The following COL22A1 variants were observed in gnomAD, a reference collection of about 807,000 sequenced individuals.
COL22A1 encodes the protein collagen type XXII alpha 1 chain, also known as collagen alpha-1(XXII) chain.
COL22A1 carries 221 observed loss-of-function variants against 248.9 expected under a neutral mutation model. That is an observed-to-expected ratio of 0.89 (90% CI 0.80 to 0.99). COL22A1 has a LOEUF of 0.99. Among genes scored for constraint, COL22A1 ranks in the 50% least tolerant of loss-of-function variants. The probability of loss-of-function intolerance (pLI) is 0.00; values close to 1 mark genes in which losing one functional copy is unlikely to be tolerated. For synonymous variants in COL22A1, 891 were observed against 793.4 expected (o/e 1.12, Z -2.07); for missense variants, 2,240 against 2,179.0 (o/e 1.03, Z -0.56).
chr8:138,688,065 G>A (rs1309138260), intron 37 of COL22A1, among the ~76,000 whole-genome samples: 1 of 152,162 alleles, frequency 6.6e-6, no homozygotes, highest in African/African-American at 2.4e-5. Flanking sequence ...CTGATTTCCT[G>A]AGCCCTGGCT....
At chr8:138,770,826 G>A (rs1222822912) in intron 16 of COL22A1, among the ~76,000 whole-genome samples, 1 of 152,156 alleles carries the variant, frequency 6.6e-6, no homozygotes, top group Non-Finnish European at 1.5e-5. Flanking sequence ...CGGAGGCAGT[G>A]CAAAGCTGAC....
At position 138,833,073 on chromosome 8, in the gene COL22A1, G is replaced by A. The variant is rs141938188; in HGVS notation, c.811C>T (p.Arg271Trp). The A allele has an allele frequency of 7.4e-5, 120 of 1,613,288 alleles. 1 individual carries two copies. Among genetic ancestry groups the A allele is most frequent in the African/African-American group, 3.9e-4 (29 of 75,026 alleles). The change falls in exon 5 of 65, where the codon CGG (arginine) becomes TGG (tryptophan). Residue 271 changes from arginine (R) to tryptophan (W), a missense_variant. Coordinates refer to ENST00000303045, the MANE Select transcript of COL22A1 (RefSeq NM_152888.3). ...TGCACCACAGGGAAGGATCCCATCC[G>A]TACATAGGAACTCTGAGCTCCATTC... ...RENGAQSSYV[R>W]MGSFPVVQST... is the part of the protein sequence containing the mutation.
intron 40 of COL22A1, among the ~76,000 whole-genome samples, chr8:138,677,509 G>GTTATT (rs1257950537): frequency 5.6e-4 from 53 of 95,272 alleles, no homozygotes; most frequent in African/African-American, 1.1e-3. Flanking sequence ...CCAAGGCCGA[G>GTTATT]CCACGCCTTA....
At chr8:138,895,254 T>C (rs1339896661) in intron 1 of COL22A1, among the ~76,000 whole-genome samples, 1 of 152,058 alleles carries the variant, frequency 6.6e-6, no homozygotes, top group African/African-American at 2.4e-5. Flanking sequence ...GTGTCGAGGA[T>C]ACAACTGAAA....
At chr8:138,679,373 A>G (rs13264997) in intron 40 of COL22A1, among the ~76,000 whole-genome samples, 104,625 of 152,088 alleles carry the variant, frequency 0.69, 38,165 homozygotes, top group East Asian at 0.81. Context: ...TCAGCAAACC[A>G]TGACCATTGC....
chr8:138,732,488 G>A (rs1830786507), intron 23 of COL22A1, among the ~76,000 whole-genome samples: 2 of 152,210 alleles, frequency 1.3e-5, no homozygotes, highest in Non-Finnish European at 2.9e-5. Flanking sequence ...GCCATAAAAC[G>A]GTTGGAGGCC....
chr8:138,784,698 G>A lies in COL22A1; in HGVS notation c.1597-3718C>T, dbSNP rs575529174. On this transcript the variant is annotated intron_variant, in intron 12 of 64. Coordinates refer to ENST00000303045, the MANE Select transcript of COL22A1 (RefSeq NM_152888.3). Reference sequence around the variant, plus strand: ...GATAGTTTATCTATTATTACAAGGCGCCAGGCACTGAGCACTTTACATCCA... The same window carrying A: ...GATAGTTTATCTATTATTACAAGGCACCAGGCACTGAGCACTTTACATCCA... 7.2e-5 allele frequency among the ~76,000 whole-genome samples: 11 copies of A among 152,204 alleles called. No homozygotes were observed. The East Asian group carries it at 1.5e-3, about 21-fold the overall frequency.
chr8:138,763,881 A>G (rs1015921858), intron 16 of COL22A1, among the ~76,000 whole-genome samples: 1 of 151,858 alleles, frequency 6.6e-6, no homozygotes, highest in African/African-American at 2.4e-5. Flanking sequence ...ATTTTCATCT[A>G]TTATCCCTGT....
intron 35 of COL22A1, among the ~76,000 whole-genome samples, chr8:138,693,174 G>A (rs914780622): frequency 2.0e-5 from 3 of 152,204 alleles, no homozygotes; most frequent in Non-Finnish European, 4.4e-5. Flanking sequence ...CCCCAAGGAT[G>A]GGTGAGCCAG....
At chr8:138,731,922 C>G (rs1182623562) in intron 23 of COL22A1, among the ~76,000 whole-genome samples, 1 of 152,114 alleles carries the variant, frequency 6.6e-6, no homozygotes, top group Non-Finnish European at 1.5e-5. Flanking sequence ...AAATCAGTAC[C>G]CTCATTTTAT....
At chr8:138,603,531 A>G (rs1211959596) in intron 59 of COL22A1, among the ~76,000 whole-genome samples, 6 of 152,192 alleles carry the variant, frequency 3.9e-5, no homozygotes, top group African/African-American at 9.7e-5. Flanking sequence ...AAGACTTAGG[A>G]TGCCTGCTTA....
At chr8:138,618,810 A>G (rs979772123) in intron 53 of COL22A1, among the ~76,000 whole-genome samples, 4 of 152,196 alleles carry the variant, frequency 2.6e-5, no homozygotes, top group African/African-American at 9.7e-5. Context: ...GAGGTGAAAC[A>G]TTTAGCATAA....
intron 1 of COL22A1, among the ~76,000 whole-genome samples, chr8:138,889,547 A>C (rs377301939): frequency 2.6e-5 from 4 of 151,566 alleles, no homozygotes; most frequent in East Asian, 3.9e-4. Context: ...GGAACATCAC[A>C]CTCTGAGGAC....
intron 1 of COL22A1, among the ~76,000 whole-genome samples, chr8:138,909,928 T>C (rs1420940764): frequency 6.6e-6 from 1 of 152,166 alleles, no homozygotes; most frequent in African/African-American, 2.4e-5. Context: ...ATCCCACTCC[T>C]TAAGAATAAT....
intron 22 of COL22A1, among the ~76,000 whole-genome samples, chr8:138,750,316 A>G (rs567825578): frequency 1.8e-4 from 28 of 152,188 alleles, no homozygotes; most frequent in Non-Finnish European, 3.4e-4. Context: ...CCTAGCCTTA[A>G]AATAAATTAT....
chr8:138,615,527 T>C (rs1445593969), intron 55 of COL22A1, among the ~76,000 whole-genome samples: 2 of 94,472 alleles, frequency 2.1e-5, no homozygotes, highest in Admixed American at 2.5e-4. Flanking sequence ...TGAGACTCCA[T>C]CTCAAAAAAA....
chr8:138,718,034 T>C (rs1012525689), intron 27 of COL22A1, among the ~76,000 whole-genome samples: 1 of 152,142 alleles, frequency 6.6e-6, no homozygotes, highest in Admixed American at 6.5e-5. Context: ...GAATAGGTGG[T>C]ATGCAGGCTA....
In COL22A1 at chr8:138,673,354, C is replaced by T. The variant is rs180851606; in HGVS notation, c.3150+3204G>A. Among the ~76,000 whole-genome samples, 230 of 152,182 alleles carry T rather than the reference C, an allele frequency of 1.5e-3. 2 individuals carry two copies. The highest frequency in any genetic ancestry group is 0.01 in the Middle Eastern group (3 of 294). ...CCTCTTGAGTAGCTGAGATTACAGG[C>T]ATGCGCCACCATGCCTGGCTAACTT... On this transcript the variant is annotated intron_variant, in intron 41 of 64. Transcript: ENST00000303045.
intron 18 of COL22A1, 95 bp downstream of exon 18, chr8:138,760,148 C>T: frequency 9.6e-7 from 1 of 1,045,632 alleles, no homozygotes; most frequent in Non-Finnish European, 1.3e-6. Flanking sequence ...AGTTGCCACC[C>T]AGGCCCCTTC....
Sources: allele counts gnomAD v4.1 joint callset (sites outside exome capture counted in the v4.1 genomes callset), GRCh38; gene constraint gnomAD v4.1.1; transcripts MANE v1.5; gene names NCBI Gene and HGNC (gene_info 2026-07-23, HGNC 2026-07-21).